Variants in SEMA3A observed in about 807,000 individuals in gnomAD.
SEMA3A encodes semaphorin-3A.
Under a neutral mutation model 97.9 loss-of-function variants are expected in SEMA3A, and 29 were observed. The ratio of observed to expected loss-of-function variants is 0.30; its 90% confidence interval spans 0.22 to 0.40. The LOEUF is 0.40. Ranked by LOEUF, SEMA3A falls within the 10% of genes least tolerant of loss-of-function variation. The pLI is 1.00. For synonymous variants in SEMA3A, 321 were observed against 323.7 expected (o/e 0.99, Z 0.09); for missense variants, 763 against 951.3 (o/e 0.80, Z 2.60).
intron 6 of SEMA3A, among the ~76,000 whole-genome samples, chr7:84,025,173 TCTAAAAACCTG>T (rs1791503348): frequency 6.6e-6 from 1 of 152,176 alleles, no homozygotes; most frequent in African/African-American, 2.4e-5. Flanking sequence ...TGATAAGGAT[TCTAAAAACCTG>T]CTAAAGACAA....
chr7:83,975,393 T>C (rs1039677870), intron 15 of SEMA3A, among the ~76,000 whole-genome samples: 1 of 152,156 alleles, frequency 6.6e-6, no homozygotes, highest in Non-Finnish European at 1.5e-5. Flanking sequence ...TAATTCATAA[T>C]GATGTTTCCT....
At chr7:84,225,653 A>G (rs181708717) in intron 3 of SEMA3A, among the ~76,000 whole-genome samples, 1 of 152,176 alleles carries the variant, frequency 6.6e-6, no homozygotes. Context: ...TGCATCAATC[A>G]CCCCGAGGGC....
chr7:84,272,187 A>T (rs200966206), intron 3 of SEMA3A, among the ~76,000 whole-genome samples: 1 of 152,120 alleles, frequency 6.6e-6, no homozygotes, highest in Non-Finnish European at 1.5e-5. Context: ...AATTAATTGC[A>T]GGAAAAGATT....
intron 3 of SEMA3A, among the ~76,000 whole-genome samples, chr7:84,222,165 C>G (rs949929777): frequency 1.3e-5 from 2 of 151,664 alleles, no homozygotes; most frequent in Non-Finnish European, 2.9e-5. Context: ...CATCTTGCAC[C>G]CTATGCTATT....
chr7:84,011,766 C>T (rs768441037), intron 7 of SEMA3A, among the ~76,000 whole-genome samples: 12 of 151,992 alleles, frequency 7.9e-5, no homozygotes, highest in South Asian at 2.1e-4. Context: ...ATGCTGTCAC[C>T]ACAAAAAATA....
intron 1 of SEMA3A, among the ~76,000 whole-genome samples, chr7:84,154,055 A>C (rs1796760156): frequency 6.6e-6 from 1 of 152,018 alleles, no homozygotes. Flanking sequence ...AAATATATTA[A>C]ATATTTTGGG....
At chr7:84,203,526 A>ATATATATTTT (rs372380784) in intron 3 of SEMA3A, among the ~76,000 whole-genome samples, 7 of 25,672 alleles carry the variant, frequency 2.7e-4, no homozygotes, top group Admixed American at 1.5e-3. Context: ...ATATATATAT[A>ATATATATTTT]TTTTTTTTTT....
At position 84,163,606 on chromosome 7, in the gene SEMA3A, A is replaced by G. The variant is rs186515619; in HGVS notation, c.113-28655T>C. Among the ~76,000 whole-genome samples, 205 of 152,284 alleles carry G rather than the reference A, an allele frequency of 1.3e-3. 1 individual carries two copies. Among genetic ancestry groups the G allele is most frequent in the African/African-American group, 4.8e-3 (199 of 41,568 alleles). On this transcript the variant is annotated intron_variant, in intron 1 of 16. Transcript: ENST00000265362. ...TTGGAAGAAAGCAGTATCCCTCGAT[A>G]TATTGTTTTATATGTATTTTTACAT...
chr7:84,296,450 T>A (rs915076849), intron 3 of SEMA3A, among the ~76,000 whole-genome samples: 6 of 152,292 alleles, frequency 3.9e-5, no homozygotes, highest in African/African-American at 1.4e-4. Context: ...TAATAAAAAT[T>A]TAAATTCCTC....
chr7:84,439,127 AC>A (rs1308028654), intron 1 of SEMA3A, among the ~76,000 whole-genome samples: 1 of 151,900 alleles, frequency 6.6e-6, no homozygotes, highest in Non-Finnish European at 1.5e-5. Context: ...CACATTAACT[AC>A]CTGTACTTCT....
In SEMA3A at chr7:84,053,136, T is replaced by C. The variant is rs1487313217; in HGVS notation, c.548-6693A>G. ...CTGAGGAGAGCTTTACTTCCAACTATGTGGTCAATTTTGGAATAGATGTGG... is the reference window on the plus strand; with the variant it reads ...CTGAGGAGAGCTTTACTTCCAACTACGTGGTCAATTTTGGAATAGATGTGG... On this transcript the variant is annotated intron_variant, in intron 5 of 16. Transcript: ENST00000265362. Among the ~76,000 whole-genome samples the C allele has an allele frequency of 1.1e-4, 15 of 135,734 alleles. 1 individual carries two copies. The East Asian group carries it at 1.9e-3, about 18-fold the overall frequency. 89.0% of individuals were successfully genotyped at this position (135,734 alleles called of 152,430 possible).
At chr7:84,402,523 T>C (rs867759777) in intron 1 of SEMA3A, among the ~76,000 whole-genome samples, 17 of 152,176 alleles carry the variant, frequency 1.1e-4, no homozygotes, top group African/African-American at 4.1e-4. Flanking sequence ...GAAATCAGTA[T>C]ATCAAAGAGA....
At chr7:84,126,294 C>G (rs1170469533) in intron 3 of SEMA3A, among the ~76,000 whole-genome samples, 1 of 152,078 alleles carries the variant, frequency 6.6e-6, no homozygotes, top group Non-Finnish European at 1.5e-5. Flanking sequence ...AAACCTGCAC[C>G]TCCCGGGTTC....
chr7:84,228,692 G>C (rs76678080), intron 3 of SEMA3A, among the ~76,000 whole-genome samples: 3,039 of 152,238 alleles, frequency 0.02, 45 homozygotes, highest in Non-Finnish European at 0.033. Flanking sequence ...GGAGATCAGA[G>C]TGAATGAGAA....
intron 4 of SEMA3A, among the ~76,000 whole-genome samples, chr7:84,066,801 G>C (rs1793521816): frequency 1.3e-5 from 2 of 152,100 alleles, no homozygotes; most frequent in African/African-American, 4.8e-5. Context: ...AACATTCCAT[G>C]CTCATGGGTA....
intron 1 of SEMA3A, among the ~76,000 whole-genome samples, chr7:84,442,512 A>AG (rs1805297510): frequency 6.6e-6 from 1 of 152,114 alleles, no homozygotes; most frequent in African/African-American, 2.4e-5. Flanking sequence ...AACTTCTACT[A>AG]CAAAAAAAAT....
intron 12 of SEMA3A, among the ~76,000 whole-genome samples, chr7:83,988,354 G>C (rs1284956305): frequency 6.6e-6 from 1 of 151,972 alleles, no homozygotes; most frequent in Non-Finnish European, 1.5e-5. Context: ...AGCCTCCCGA[G>C]TAGCTGGGAC....
At chr7:84,396,359 A>G (rs935739317) in intron 1 of SEMA3A, among the ~76,000 whole-genome samples, 3 of 151,688 alleles carry the variant, frequency 2.0e-5, no homozygotes, top group African/African-American at 4.8e-5. Context: ...TAATAGTACT[A>G]TAATAGTAAC....
intron 1 of SEMA3A, among the ~76,000 whole-genome samples, chr7:84,150,522 G>C (rs1428582743): frequency 6.6e-6 from 1 of 152,136 alleles, no homozygotes; most frequent in Admixed American, 6.6e-5. Flanking sequence ...CGAATACTGT[G>C]CTTTTCCGAC....
Sources: allele counts gnomAD v4.1 joint callset (sites outside exome capture counted in the v4.1 genomes callset), GRCh38; gene constraint gnomAD v4.1.1; transcripts MANE v1.5; gene names NCBI Gene and HGNC (gene_info 2026-07-23, HGNC 2026-07-21).